Variants in MMP14 observed in about 807,000 individuals in gnomAD.
MMP14 encodes the protein matrix metallopeptidase 14, also known as matrix metalloproteinase-14.
Under a neutral mutation model 64.8 loss-of-function variants are expected in MMP14, and 13 were observed. The ratio of observed to expected loss-of-function variants is 0.20; its 90% confidence interval spans 0.13 to 0.32. The LOEUF is 0.32. MMP14 is among the 10% of genes least tolerant of loss of function. The pLI is 1.00. For missense variants in MMP14, 594 were observed against 783.8 expected (o/e 0.76, Z 2.89); for synonymous variants, 322 against 315.9 (o/e 1.02, Z -0.20).
rs1188230289 is a variant in MMP14, at chr14:22,836,692, G to A, written c.-126G>A. The A allele has an allele frequency of 3.2e-5, 18 of 559,176 alleles. No individual in the cohort carries two copies. Among genetic ancestry groups the A allele is most frequent in the Non-Finnish European group, 5.7e-5 (18 of 317,338 alleles). 34.6% of individuals were successfully genotyped at this position (559,176 alleles called of 1,614,324 possible). A position where few individuals can be genotyped will look rare whatever the true frequency, so the allele number is the denominator to read the frequency against. ...TCCCCTTTAACTCCAAGCCGACAGC[G>A]GTCTAGGAATTCAAGTTCAGTGCCT... On this transcript the variant is annotated 5_prime_UTR_variant, in exon 1 of 10. Coordinates refer to ENST00000311852, the MANE Select transcript of MMP14 (RefSeq NM_004995.4).
rs748250494 is a variant in MMP14 at position 22,846,030 on chromosome 14, C to G, written c.1740C>G (p.Asp580Glu). 2 of 1,489,536 alleles carry G rather than the reference C, an allele frequency of 1.3e-6. No individual in the cohort carries two copies. Among genetic ancestry groups the G allele is most frequent in the African/African-American group, 1.4e-5 (1 of 71,458 alleles). The allele number at this position is 1,489,536 out of a possible 1,614,324, so 92.3% of individuals were successfully genotyped here. ...TCTACTGCCAGCGTTCCCTGCTGGA[C>G]AAGGTCTGACGCCCACCGCCGGCCC... ...RLLYCQRSLLDKV is the reference protein window; with the variant it reads ...RLLYCQRSLLEKV The change falls in exon 10 of 10, where the codon GAC becomes GAG. Residue 580 changes from aspartate to glutamate, a missense_variant. Coordinates refer to ENST00000311852, the MANE Select transcript of MMP14 (RefSeq NM_004995.4).
At chr14:22,841,030 C>G (rs17882191) in intron 1 of MMP14, among the ~76,000 whole-genome samples, 16,329 of 152,280 alleles carry the variant, frequency 0.11, 942 homozygotes, top group East Asian at 0.19. Context: ...ACATGGCACT[C>G]CCATCCCAGG....
At position 22,841,577 on chromosome 14, in the gene MMP14, C is replaced by T. The variant is rs372924469; in HGVS notation, c.195C>T (p.Ile65=). ...QRSPQSLSAA[I]AAMQKFYGLQ... is the part of the protein sequence containing the mutation. ...CACCCCAGTCACTCTCAGCGGCCAT[C>T]GCTGCCATGCAGAAGTTTTACGGCT... is the stretch of plus-strand genomic sequence containing the variant. The change falls in exon 2 of 10, where the codon ATC becomes ATT. Residue 65 remains isoleucine (I), a synonymous_variant. Transcript: ENST00000311852. 18 of 1,613,996 alleles carry T rather than the reference C, an allele frequency of 1.1e-5. No individual in the cohort carries two copies. The highest frequency in any genetic ancestry group is 8.0e-5 in the African/African-American group (6 of 74,938).
chr14:22,841,774 T>A, intron 2 of MMP14, 135 bp downstream of exon 2: 1 of 1,547,376 alleles, frequency 6.5e-7, no homozygotes, highest in Non-Finnish European at 8.8e-7. Context: ...ATCCTGACCC[T>A]CTCATATTCA....
rs1240321412 is a variant in MMP14 at position 22,843,748 on chromosome 14, C to A, written c.889C>A (p.Pro297Thr). 1 of 1,610,878 alleles carries A rather than the reference C, an allele frequency of 6.2e-7. No individual in the cohort carries two copies. Among genetic ancestry groups the A allele is most frequent in the Non-Finnish European group, 8.5e-7 (1 of 1,179,236 alleles). The stretch of plus-strand genomic sequence containing the variant: ...GTTCCCCACCAAGATGCCCCCTCAA[C>A]CCAGGACTACCTCCCGGCCTTCTGT... ...SGFPTKMPPQ[P>T]RTTSRPSVPD... The change falls in exon 6 of 10, where the codon CCC becomes ACC. Residue 297 changes from proline to threonine, a missense_variant. Physicochemically the swap from Pro to Thr is conservative, Grantham distance 38. This residue lies in a region of MMP14 where 364 missense variants were observed against 425.2 expected (regional missense o/e 0.86). Transcript: ENST00000311852. The surrounding 1 kb of genome is among the most constrained non-coding windows in gnomAD (Gnocchi z 4.8).
Position 22,843,839 on chromosome 14 carries a change from C to T in MMP14, c.980C>T (p.Ala327Val), listed in dbSNP as rs768905770. ...NICDGNFDTV[A>V]MLRGEMFVFK... ...TGTGACGGGAACTTTGACACCGTGG[C>T]CATGCTCCGAGGGGAGATGTTTGTC... Residue 327 changes from alanine (A) to valine (V), a missense_variant, in exon 6 of 10, where the codon GCC (alanine) becomes GTC (valine). Transcript: ENST00000311852. The surrounding 1 kb of genome is among the most constrained non-coding windows in gnomAD (Gnocchi z 4.8). 52 of 1,612,714 alleles carry T rather than the reference C, an allele frequency of 3.2e-5. No homozygotes were observed. In the South Asian group the frequency reaches 5.4e-4, roughly 17 times the overall value.
chr14:22,840,528 A>G (rs2039765537), intron 1 of MMP14, among the ~76,000 whole-genome samples: 1 of 145,054 alleles, frequency 6.9e-6, no homozygotes, highest in Non-Finnish European at 1.5e-5. Context: ...TTTTTTTTTG[A>G]GACGGAGTCT....
chr14:22,845,060 TC>T lies in MMP14; in HGVS notation c.1302-189del, dbSNP rs568820892. Among the ~76,000 whole-genome samples, 796 of 152,216 alleles carry T rather than the reference TC, an allele frequency of 5.2e-3. 3 individuals are homozygous for T. The highest frequency in any genetic ancestry group is 0.013 in the African/African-American group (559 of 41,534). On this transcript the variant is annotated intron_variant, in intron 8 of 9. Coordinates refer to ENST00000311852, the MANE Select transcript of MMP14 (RefSeq NM_004995.4). The stretch of plus-strand genomic sequence containing the variant: ...CACTGTCATTAGGGCTACTGGTGGC[TC>T]CTTGCAGCCTGGGCCCTCCCTTCCA...
chr14:22,838,289 G>A (rs550396681), intron 1 of MMP14, among the ~76,000 whole-genome samples: 44 of 152,252 alleles, frequency 2.9e-4, no homozygotes, highest in Non-Finnish European at 5.4e-4. Context: ...GGGAGCTGCC[G>A]ACCGCCAACT....
rs2039776779 is a variant in MMP14, at chr14:22,842,065, A to G, written c.380+30A>G. 1.2e-6 allele frequency: 2 copies of G among 1,600,008 alleles called. No individual in the cohort carries two copies. The highest frequency in any genetic ancestry group is 4.5e-5 in the East Asian group (2 of 44,764). On this transcript the variant is annotated intron_variant, in intron 3 of 9. Transcript: ENST00000311852. This position sits in a 1 kb window ranked among gnomAD's most constrained non-coding sequence, Gnocchi z 5.3. Reference sequence around the variant, plus strand: ...GTCCAACAGGCAAGCAACCTTTCTCACATCTGGTTATTATTTCCTACCCAT... The same window carrying G: ...GTCCAACAGGCAAGCAACCTTTCTCGCATCTGGTTATTATTTCCTACCCAT...
chr14:22,840,762 G>A (rs1001707134), intron 1 of MMP14, among the ~76,000 whole-genome samples: 8 of 152,036 alleles, frequency 5.3e-5, no homozygotes, highest in African/African-American at 7.3e-5. Context: ...AGCCTGCCTC[G>A]GCCTCCCAAA....
At chr14:22,837,899 T>G (rs975219821) in intron 1 of MMP14, among the ~76,000 whole-genome samples, 1 of 152,104 alleles carries the variant, frequency 6.6e-6, no homozygotes, top group African/African-American at 2.4e-5. Flanking sequence ...TTAATGAGCT[T>G]CTTATTTTGG....
At chr14:22,838,274 A>G (rs2039749252) in intron 1 of MMP14, among the ~76,000 whole-genome samples, 1 of 152,170 alleles carries the variant, frequency 6.6e-6, no homozygotes, top group Admixed American at 6.5e-5. Context: ...GAGCCTGAGC[A>G]TCTGGGGAGC....
intron 8 of MMP14, 91 bp downstream of exon 8, chr14:22,844,871 C>A (rs1566482926): frequency 1.3e-6 from 2 of 1,532,894 alleles, no homozygotes; most frequent in Non-Finnish European, 1.8e-6. Flanking sequence ...CACTTTACCC[C>A]CAACATGCTT....
chr14:22,838,250 G>T (rs1447455017), intron 1 of MMP14, among the ~76,000 whole-genome samples: 2 of 152,162 alleles, frequency 1.3e-5, no homozygotes, highest in South Asian at 2.1e-4. Context: ...GAAAGGGAGC[G>T]CCCCTAACAA....
At chr14:22,838,370 C>G (rs914500686) in intron 1 of MMP14, among the ~76,000 whole-genome samples, 3 of 152,122 alleles carry the variant, frequency 2.0e-5, no homozygotes, top group Admixed American at 2.0e-4. Flanking sequence ...GCCCTGGCTC[C>G]GTTTTAATTG....
chr14:22,845,131 A>C, intron 8 of MMP14, 120 bp from the exon 9 acceptor site: 1 of 731,082 alleles, frequency 1.4e-6, no homozygotes, highest in Non-Finnish European at 2.3e-6. Context: ...CATTACTCAA[A>C]ACCCCTGTCC....
In MMP14 at chr14:22,845,850, G is replaced by A. The variant is rs1470954027; in HGVS notation, c.1560G>A (p.Glu520=). Reference sequence around the variant, plus strand: ...GCCGGCCGGATGAGGGGACTGAGGAGGAGACGGAGGTGATCATCATTGAGG... The same window carrying A: ...GCCGGCCGGATGAGGGGACTGAGGAAGAGACGGAGGTGATCATCATTGAGG... The part of the protein sequence containing the change: ...SGGRPDEGTE[E]ETEVIIIEVD... The change falls in exon 10 of 10, where the codon GAG becomes GAA. Residue 520 remains glutamate (E), a synonymous_variant. Transcript: ENST00000311852. 5 of 1,614,068 alleles carry A rather than the reference G, an allele frequency of 3.1e-6. No individual in the cohort carries two copies. Among genetic ancestry groups the A allele is most frequent in the African/African-American group, 2.7e-5 (2 of 74,936 alleles).
Position 22,843,866 on chromosome 14 carries a change from T to G in MMP14, c.1007T>G (p.Phe336Cys). The G allele has an allele frequency of 6.2e-7, 1 of 1,610,574 alleles. No individual in the cohort carries two copies. The highest frequency in any genetic ancestry group is 8.5e-7 in the Non-Finnish European group (1 of 1,179,198). The stretch of plus-strand genomic sequence containing the variant: ...ATGCTCCGAGGGGAGATGTTTGTCT[T>G]CAAGGTGAGAAGAAGTGGGCTGGTT... ...VAMLRGEMFV[F>C]KERWFWRVRN... Residue 336 changes from phenylalanine (F) to cysteine (C), a missense_variant, in exon 6 of 10, where the codon TTC becomes TGC. Phe to Cys is a radical substitution (Grantham distance 205, BLOSUM62 -2). This residue lies in a region of MMP14 where 364 missense variants were observed against 425.2 expected (regional missense o/e 0.86). Transcript: ENST00000311852. This position sits in a 1 kb window ranked among gnomAD's most constrained non-coding sequence, Gnocchi z 4.8.
Sources: allele counts gnomAD v4.1 joint callset (sites outside exome capture counted in the v4.1 genomes callset), GRCh38; gene constraint gnomAD v4.1.1; regional missense constraint gnomAD v4.1.1; non-coding constraint Gnocchi (gnomAD v3.1); transcripts MANE v1.5; gene names NCBI Gene and HGNC (gene_info 2026-07-23, HGNC 2026-07-21).